CTNNA3: variants seen among roughly 807,000 people sequenced by gnomAD.
The protein encoded by CTNNA3 is catenin alpha 3.
A neutral mutation model predicts 95.7 loss-of-function variants in CTNNA3; 76 were observed. That is an observed-to-expected ratio of 0.79 (90% CI 0.66 to 0.96). The LOEUF (loss-of-function observed/expected upper bound fraction) is 0.96. CTNNA3 is among the 40% of genes least tolerant of loss of function. The probability of loss-of-function intolerance (pLI) is 0.00; values close to 1 mark genes in which losing one functional copy is unlikely to be tolerated. For synonymous variants in CTNNA3, 431 were observed against 374.4 expected, an observed-to-expected ratio of 1.15 and a Z score of -1.74; for missense variants, 1,191 against 1,089.8, an observed-to-expected ratio of 1.09 and a Z score of -1.31.
intron 5 of CTNNA3, among the ~76,000 whole-genome samples, chr10:67,380,280 T>C (rs1843887982): frequency 6.6e-6 from 1 of 152,162 alleles, no homozygotes; most frequent in Non-Finnish European, 1.5e-5. Flanking sequence ...CATGAAATTT[T>C]TCATTCCACT....
At chr10:66,712,435 A>G (rs1848324162) in intron 9 of CTNNA3, among the ~76,000 whole-genome samples, 1 of 152,130 alleles carries the variant, frequency 6.6e-6, no homozygotes, top group Admixed American at 6.6e-5. Flanking sequence ...GCTGGTTCTG[A>G]TATTTCGATA....
intron 14 of CTNNA3, among the ~76,000 whole-genome samples, chr10:66,092,247 T>C (rs926172914): frequency 6.6e-6 from 1 of 151,972 alleles, no homozygotes; most frequent in Non-Finnish European, 1.5e-5. Flanking sequence ...TTCACCAAAA[T>C]AATAGCAATG....
intron 12 of CTNNA3, among the ~76,000 whole-genome samples, chr10:66,287,060 C>G (rs566636024): frequency 1.3e-5 from 2 of 152,014 alleles, no homozygotes; most frequent in Non-Finnish European, 2.9e-5. Context: ...ATCAGCACCC[C>G]CACACTTGCC....
In CTNNA3 at chr10:67,308,756, A is replaced by G. The variant is rs1840662969; in HGVS notation, c.580-88886T>C. Among the ~76,000 whole-genome samples the G allele has an allele frequency of 2.6e-5, 4 of 152,320 alleles. 1 individual carries two copies. The South Asian group carries it at 8.3e-4, about 32-fold the overall frequency. On this transcript the variant is annotated intron_variant, in intron 5 of 17. Transcript: ENST00000433211. ...AGTTCACTTAGAGACCCAGTTAATC[A>G]ATCCCTCATTTGAAAGTTAAGGACA...
chr10:67,148,871 T>C (rs1407936445), intron 7 of CTNNA3, among the ~76,000 whole-genome samples: 1 of 152,236 alleles, frequency 6.6e-6, no homozygotes, highest in Non-Finnish European at 1.5e-5. Flanking sequence ...TGTGAGAGTT[T>C]ATACATTTAA....
intron 7 of CTNNA3, among the ~76,000 whole-genome samples, chr10:67,092,473 A>G (rs1261865238): frequency 2.0e-5 from 3 of 151,908 alleles, no homozygotes; most frequent in Non-Finnish European, 4.4e-5. Flanking sequence ...AACCTTTTCT[A>G]TCCAACAGAA....
At chr10:66,931,482 A>G (rs1256637900) in intron 7 of CTNNA3, among the ~76,000 whole-genome samples, 1 of 152,170 alleles carries the variant, frequency 6.6e-6, no homozygotes, top group Non-Finnish European at 1.5e-5. Context: ...ACAATTTTTT[A>G]CTTGATTTGG....
At chr10:67,436,724 G>T (rs1439976571) in intron 5 of CTNNA3, among the ~76,000 whole-genome samples, 1 of 152,122 alleles carries the variant, frequency 6.6e-6, no homozygotes, top group East Asian at 1.9e-4. Flanking sequence ...ATGAAAAAAT[G>T]CTCAACATAA....
chr10:67,636,055 C>T (rs1839301847), intron 2 of CTNNA3, among the ~76,000 whole-genome samples: 1 of 152,068 alleles, frequency 6.6e-6, no homozygotes, highest in African/African-American at 2.4e-5. Context: ...CATGAATGAA[C>T]TCCCAATTAT....
chr10:66,784,163 T>C (rs1840649166), intron 7 of CTNNA3, among the ~76,000 whole-genome samples: 1 of 152,172 alleles, frequency 6.6e-6, no homozygotes, highest in African/African-American at 2.4e-5. Flanking sequence ...TTAACATAAA[T>C]ATTTTCTATC....
chr10:66,810,158 T>C (rs1261176591), intron 7 of CTNNA3, among the ~76,000 whole-genome samples: 5 of 152,192 alleles, frequency 3.3e-5, no homozygotes, highest in African/African-American at 1.2e-4. Context: ...TCTCTTTTAG[T>C]ATAATGAATA....
chr10:67,588,596 G>A (rs1842705466), intron 3 of CTNNA3, among the ~76,000 whole-genome samples: 1 of 152,046 alleles, frequency 6.6e-6, no homozygotes, highest in Admixed American at 6.6e-5. Flanking sequence ...GGTGGGCTAA[G>A]CATTAAAGTA....
intron 3 of CTNNA3, among the ~76,000 whole-genome samples, chr10:67,574,742 G>A (rs913532566): frequency 3.3e-5 from 5 of 151,760 alleles, no homozygotes; most frequent in South Asian, 4.2e-4. Flanking sequence ...CGCCATGCCC[G>A]GCCAATTTTT....
chr10:66,709,762 C>CCTTG (rs1217896675), intron 9 of CTNNA3, among the ~76,000 whole-genome samples: 2 of 151,986 alleles, frequency 1.3e-5, no homozygotes, highest in East Asian at 3.9e-4. Flanking sequence ...CTTTAAGACC[C>CCTTG]CTTGGGCTTG....
At chr10:66,484,079 T>C (rs546722104) in intron 11 of CTNNA3, among the ~76,000 whole-genome samples, 3 of 152,192 alleles carry the variant, frequency 2.0e-5, no homozygotes, top group South Asian at 4.1e-4. Context: ...ATTAGCACCC[T>C]TGGAGACCAA....
intron 7 of CTNNA3, among the ~76,000 whole-genome samples, chr10:66,998,591 G>C (rs1000643637): frequency 2.0e-5 from 3 of 151,984 alleles, no homozygotes; most frequent in African/African-American, 7.2e-5. Flanking sequence ...CACTTGTAGA[G>C]AGGCAAAAAA....
At chr10:65,926,394 T>C (rs2077169306) in intron 17 of CTNNA3, among the ~76,000 whole-genome samples, 1 of 152,066 alleles carries the variant, frequency 6.6e-6, no homozygotes, top group Non-Finnish European at 1.5e-5. Flanking sequence ...AATGCATATA[T>C]TCAGTTTTAT....
intron 10 of CTNNA3, among the ~76,000 whole-genome samples, chr10:66,610,024 T>C (rs1304719698): frequency 5.3e-5 from 8 of 152,166 alleles, no homozygotes; most frequent in Admixed American, 4.6e-4. Context: ...TTCATGTTCT[T>C]ACTTATAAGT....
intron 7 of CTNNA3, among the ~76,000 whole-genome samples, chr10:67,172,724 A>G (rs945279455): frequency 2.0e-5 from 3 of 152,180 alleles, no homozygotes; most frequent in Admixed American, 1.3e-4. Context: ...CTGTAATCCC[A>G]GCACTTTGGG....
Sources: gnomAD v4.1 joint callset for allele counts (sites outside exome capture counted in the v4.1 genomes callset) on GRCh38, gnomAD v4.1.1 for gene constraint, MANE v1.5 for transcripts, NCBI Gene and HGNC (gene_info 2026-07-23, HGNC 2026-07-21) for gene names.